Variants in CDKAL1 observed in about 807,000 individuals in gnomAD.
CDKAL1 encodes threonylcarbamoyladenosine tRNA methylthiotransferase.
Under a neutral mutation model 68.2 loss-of-function variants are expected in CDKAL1, and 32 were observed. That is an observed-to-expected ratio of 0.47 (90% CI 0.35 to 0.63). CDKAL1 has a LOEUF of 0.63. Ranked by LOEUF, CDKAL1 falls within the 30% of genes least tolerant of loss-of-function variation. CDKAL1 has a pLI of 0.00. For missense variants in CDKAL1, 606 were observed against 696.7 expected (o/e 0.87, Z 1.47); for synonymous variants, 234 against 244.3 (o/e 0.96, Z 0.39).
intron 10 of CDKAL1, among the ~76,000 whole-genome samples, chr6:20,957,008 T>TAA (rs70990087): frequency 0.047 from 5,382 of 113,762 alleles, 407 homozygotes; most frequent in African/African-American, 0.16. Context: ...TGATTCTCTG[T>TAA]AAAAAAAAAA....
At chr6:20,921,212 C>T (rs927098827) in intron 9 of CDKAL1, among the ~76,000 whole-genome samples, 8 of 152,126 alleles carry the variant, frequency 5.3e-5, no homozygotes, top group African/African-American at 9.7e-5. Flanking sequence ...GGGCGGATCA[C>T]GAGGTCAAGA....
At chr6:21,007,801 G>T (rs9358385) in intron 11 of CDKAL1, among the ~76,000 whole-genome samples, 28,038 of 152,112 alleles carry the variant, frequency 0.18, 2,816 homozygotes, top group Admixed American at 0.26. Context: ...TAAGTAATTT[G>T]CCCAAAGTCA....
chr6:20,792,941 A>G (rs1775958226), intron 8 of CDKAL1, among the ~76,000 whole-genome samples: 1 of 152,216 alleles, frequency 6.6e-6, no homozygotes, highest in African/African-American at 2.4e-5. Context: ...TTGTGTACCT[A>G]GAAGTTTACC....
chr6:20,718,202 T>G (rs1772183311), intron 5 of CDKAL1, among the ~76,000 whole-genome samples: 1 of 152,212 alleles, frequency 6.6e-6, no homozygotes, highest in African/African-American at 2.4e-5. Context: ...TGTATTCCAT[T>G]TTCCAGTTCA....
intron 6 of CDKAL1, among the ~76,000 whole-genome samples, chr6:20,741,823 C>A (rs1450381058): frequency 2.0e-5 from 3 of 152,072 alleles, no homozygotes; most frequent in African/African-American, 7.2e-5. Flanking sequence ...TGGGTATATA[C>A]CCAGTAATTA....
chr6:20,752,198 A>G (rs1046365179), intron 6 of CDKAL1, among the ~76,000 whole-genome samples: 5 of 151,586 alleles, frequency 3.3e-5, no homozygotes, highest in Non-Finnish European at 7.4e-5. Flanking sequence ...TCTTTAAATC[A>G]TTTAATAAAC....
chr6:20,956,948 G>A (rs1295444705), intron 10 of CDKAL1, among the ~76,000 whole-genome samples: 2 of 146,432 alleles, frequency 1.4e-5, no homozygotes, highest in South Asian at 2.1e-4. Context: ...TAAGTTGCAG[G>A]CATGTCAACT....
At chr6:21,139,699 G>C (rs1775805841) in intron 13 of CDKAL1, among the ~76,000 whole-genome samples, 1 of 151,950 alleles carries the variant, frequency 6.6e-6, no homozygotes, top group East Asian at 1.9e-4. Context: ...GTAGAGATGG[G>C]GTCTCACTGT....
chr6:20,798,929 AAAAAAG>A (rs1417837442), intron 8 of CDKAL1, among the ~76,000 whole-genome samples: 17 of 150,806 alleles, frequency 1.1e-4, no homozygotes, highest in Middle Eastern at 3.4e-3. Flanking sequence ...AAAAAAAAAA[AAAAAAG>A]AAAAGAAAAT....
chr6:20,975,486 G>A (rs1481005085), intron 10 of CDKAL1, among the ~76,000 whole-genome samples: 1 of 152,098 alleles, frequency 6.6e-6, no homozygotes, highest in Non-Finnish European at 1.5e-5. Flanking sequence ...TATGCTTCAT[G>A]TATATGCTTA....
At chr6:21,177,966 T>G (rs2151083073) in intron 13 of CDKAL1, among the ~76,000 whole-genome samples, 1 of 152,310 alleles carries the variant, frequency 6.6e-6, no homozygotes, top group African/African-American at 2.4e-5. Context: ...CTTTTCCCAT[T>G]TTATAATTGT....
chr6:21,075,441 G>A (rs1358386661), intron 12 of CDKAL1, among the ~76,000 whole-genome samples: 4 of 151,900 alleles, frequency 2.6e-5, no homozygotes, highest in Non-Finnish European at 5.9e-5. Context: ...TTTTGTATTT[G>A]TATAGGGGGA....
intron 11 of CDKAL1, among the ~76,000 whole-genome samples, chr6:21,020,927 A>G (rs986789360): frequency 2.0e-5 from 3 of 151,974 alleles, no homozygotes; most frequent in Non-Finnish European, 4.4e-5. Flanking sequence ...CACAGGTACT[A>G]TTATGTAAGT....
chr6:21,229,685 T>C (rs1779882612), intron 15 of CDKAL1, among the ~76,000 whole-genome samples: 1 of 152,208 alleles, frequency 6.6e-6, no homozygotes, highest in Admixed American at 6.5e-5. Context: ...CCATCTAGCA[T>C]TTCTCATCTG....
At chr6:20,832,706 A>G (rs535449423) in intron 8 of CDKAL1, among the ~76,000 whole-genome samples, 13 of 152,282 alleles carry the variant, frequency 8.5e-5, no homozygotes, top group African/African-American at 3.1e-4. Flanking sequence ...TATTTTGGCA[A>G]ACACCATTTA....
At chr6:20,763,003 G>A (rs1014138635) in intron 7 of CDKAL1, among the ~76,000 whole-genome samples, 2 of 152,032 alleles carry the variant, frequency 1.3e-5, no homozygotes, top group African/African-American at 4.8e-5. Flanking sequence ...TTTTTTCACT[G>A]TGCTTTACAT....
chr6:20,678,512 G>T (rs1278670162), intron 5 of CDKAL1, among the ~76,000 whole-genome samples: 1 of 152,098 alleles, frequency 6.6e-6, no homozygotes, highest in East Asian at 1.9e-4. Context: ...AGTCAGTAAG[G>T]CTTCACTTAA....
At chr6:20,932,316 T>C (rs929681498) in intron 9 of CDKAL1, among the ~76,000 whole-genome samples, 7 of 152,186 alleles carry the variant, frequency 4.6e-5, no homozygotes, top group African/African-American at 1.7e-4. Context: ...AGTTGGAGTG[T>C]CAGGATCACT....
intron 5 of CDKAL1, among the ~76,000 whole-genome samples, chr6:20,677,006 C>T (rs1424676767): frequency 6.6e-6 from 1 of 152,096 alleles, no homozygotes; most frequent in Non-Finnish European, 1.5e-5. Context: ...AAAGTGACCT[C>T]TTATGACTTT....
Sources: allele counts gnomAD v4.1 joint callset (sites outside exome capture counted in the v4.1 genomes callset), GRCh38; gene constraint gnomAD v4.1.1; transcripts MANE v1.5; gene names NCBI Gene and HGNC (gene_info 2026-07-23, HGNC 2026-07-21).